KHDRBS2: variants seen among roughly 807,000 people sequenced by gnomAD.
The protein encoded by KHDRBS2 is KH domain-containing, RNA-binding, signal transduction-associated protein 2.
KHDRBS2 carries 26 observed loss-of-function variants against 44.3 expected under a neutral mutation model. The ratio of observed to expected loss-of-function variants is 0.59; its 90% CI spans 0.43 to 0.81. The LOEUF is 0.81. Ranked by LOEUF, KHDRBS2 falls within the 40% of genes least tolerant of loss-of-function variation. The pLI is 0.00. For missense variants in KHDRBS2, 476 were observed against 433.1 expected, an observed-to-expected ratio of 1.10 and a Z score of -0.88; for synonymous variants, 194 against 151.1, an observed-to-expected ratio of 1.28 and a Z score of -2.08.
intron 2 of KHDRBS2, among the ~76,000 whole-genome samples, chr6:62,134,710 A>T (rs1811113422): frequency 1.3e-5 from 2 of 152,146 alleles, no homozygotes; most frequent in South Asian, 4.1e-4. Flanking sequence ...GACCATAGGA[A>T]CCCACCTCTT....
At chr6:61,984,092 T>C (rs528496289) in intron 3 of KHDRBS2, among the ~76,000 whole-genome samples, 1 of 152,210 alleles carries the variant, frequency 6.6e-6, no homozygotes, top group African/African-American at 2.4e-5. Flanking sequence ...TTTGGGCCAC[T>C]CAAAAATTTC....
chr6:61,958,605 C>T (rs10944900), intron 4 of KHDRBS2, among the ~76,000 whole-genome samples: 47,414 of 152,090 alleles, frequency 0.31, 8,045 homozygotes, highest in East Asian at 0.4. Context: ...TTGCATCACT[C>T]GGAATTGTTT....
intron 8 of KHDRBS2, among the ~76,000 whole-genome samples, chr6:61,695,525 A>G (rs1461320915): frequency 6.6e-6 from 1 of 152,156 alleles, no homozygotes; most frequent in Non-Finnish European, 1.5e-5. Context: ...CAGAGCCATA[A>G]TAGGTACTCC....
At chr6:61,891,079 G>A (rs1392186675) in intron 6 of KHDRBS2, among the ~76,000 whole-genome samples, 2 of 152,124 alleles carry the variant, frequency 1.3e-5, no homozygotes, top group African/African-American at 2.4e-5. Context: ...TGAGTGCCCA[G>A]TATGTGACAG....
intron 2 of KHDRBS2, among the ~76,000 whole-genome samples, chr6:62,066,158 A>G (rs1167223226): frequency 6.6e-6 from 1 of 151,766 alleles, no homozygotes. Context: ...AAACTATTAT[A>G]TTAACAAACA....
chr6:61,753,544 T>C (rs751980193), intron 6 of KHDRBS2, among the ~76,000 whole-genome samples: 102 of 152,284 alleles, frequency 6.7e-4, no homozygotes, highest in African/African-American at 1.2e-3. Context: ...AGTTAATCAA[T>C]AGGATCTTTT....
chr6:61,774,475 A>T (rs2127578380), intron 6 of KHDRBS2, among the ~76,000 whole-genome samples: 1 of 152,254 alleles, frequency 6.6e-6, no homozygotes, highest in East Asian at 1.9e-4. Flanking sequence ...AATGTACAAA[A>T]ATCACAAGCA....
At chr6:61,785,643 A>G (rs1037112427) in intron 6 of KHDRBS2, among the ~76,000 whole-genome samples, 1 of 152,066 alleles carries the variant, frequency 6.6e-6, no homozygotes, top group African/African-American at 2.4e-5. Flanking sequence ...ATATGTTCCA[A>G]CCACAATAGG....
chr6:61,747,381 A>C (rs1777024815), intron 6 of KHDRBS2, among the ~76,000 whole-genome samples: 1 of 152,204 alleles, frequency 6.6e-6, no homozygotes, highest in East Asian at 1.9e-4. Flanking sequence ...TTTAAACAAG[A>C]GCACGATGAC....
In KHDRBS2 at chr6:62,112,437, A is replaced by G. The variant is rs202179007; in HGVS notation, c.220-64443T>C. Among the ~76,000 whole-genome samples the G allele has an allele frequency of 4.6e-5, 7 of 152,224 alleles. No homozygotes were observed. In the East Asian group the frequency reaches 1.4e-3, roughly 29 times the overall value. On this transcript the variant is annotated intron_variant, in intron 2 of 8. Coordinates refer to ENST00000281156, the MANE Select transcript of KHDRBS2 (RefSeq NM_152688.4). ...AATATTAAAATATCACAGTAGAGCAACAAGACTAGATGAAACCCTTTTGGC... is the reference window on the plus strand; with the variant it reads ...AATATTAAAATATCACAGTAGAGCAGCAAGACTAGATGAAACCCTTTTGGC...
At chr6:61,955,109 C>T (rs1244806295) in intron 4 of KHDRBS2, among the ~76,000 whole-genome samples, 1 of 142,982 alleles carries the variant, frequency 7.0e-6, no homozygotes, top group East Asian at 2.2e-4. Context: ...TATATATACA[C>T]ATATGTGTAT....
At chr6:61,912,328 A>G (rs1230980908) in intron 4 of KHDRBS2, among the ~76,000 whole-genome samples, 4 of 152,202 alleles carry the variant, frequency 2.6e-5, no homozygotes, top group Non-Finnish European at 5.9e-5. Flanking sequence ...ACACAGATTT[A>G]TATTTAGAAG....
At chr6:62,026,440 T>TATTA (rs199909533) in intron 3 of KHDRBS2, among the ~76,000 whole-genome samples, 1 of 109,086 alleles carries the variant, frequency 9.2e-6, no homozygotes. Flanking sequence ...TTATTATTAT[T>TATTA]TTTTTTTTTG....
At chr6:61,963,723 T>G (rs940333575) in intron 4 of KHDRBS2, among the ~76,000 whole-genome samples, 1 of 152,070 alleles carries the variant, frequency 6.6e-6, no homozygotes, top group Non-Finnish European at 1.5e-5. Flanking sequence ...TTGGGACACA[T>G]AGCCGGCAGG....
At chr6:61,672,557 A>G in the KHDRBS2 span, among the ~76,000 whole-genome samples, 2 of 151,986 alleles carry the variant, frequency 1.3e-5, no homozygotes, top group South Asian at 2.1e-4. Flanking sequence ...GTGAGATGGT[A>G]TCTCATTGTG....
intron 6 of KHDRBS2, among the ~76,000 whole-genome samples, chr6:61,857,013 T>C (rs1344848777): frequency 6.6e-6 from 1 of 152,116 alleles, no homozygotes; most frequent in African/African-American, 2.4e-5. Flanking sequence ...AGCACCAATG[T>C]GAAGAATGGA....
At chr6:62,049,750 A>C (rs1788565794) in intron 2 of KHDRBS2, among the ~76,000 whole-genome samples, 1 of 152,026 alleles carries the variant, frequency 6.6e-6, no homozygotes, top group African/African-American at 2.4e-5. Context: ...GTACCATCTT[A>C]TGCCAGTTAG....
intron 3 of KHDRBS2, among the ~76,000 whole-genome samples, chr6:61,997,577 C>G (rs1777440537): frequency 1.3e-5 from 2 of 152,154 alleles, no homozygotes; most frequent in South Asian, 4.1e-4. Context: ...TCTAAGCCCA[C>G]TGATAAAATG....
chr6:61,798,079 C>A (rs1562203421), intron 6 of KHDRBS2, among the ~76,000 whole-genome samples: 1 of 151,996 alleles, frequency 6.6e-6, no homozygotes, highest in African/African-American at 2.4e-5. Context: ...TCCATGTATT[C>A]TTGTTGTTTA....
Sources: allele counts gnomAD v4.1 joint callset (sites outside exome capture counted in the v4.1 genomes callset), GRCh38; gene constraint gnomAD v4.1.1; transcripts MANE v1.5; gene names NCBI Gene and HGNC (gene_info 2026-07-23, HGNC 2026-07-21).